The following TBL1XR1 variants were observed in gnomAD, a reference collection of about 807,000 sequenced individuals.
The protein encoded by TBL1XR1 is TBL1X/Y related 1.
TBL1XR1 carries 5 observed loss-of-function variants against 66.9 expected under a neutral mutation model. The observed-to-expected ratio is 0.07, with a 90% confidence interval of 0.04 to 0.16. The LOEUF is 0.16. Among genes scored for constraint, TBL1XR1 ranks in the 10% least tolerant of loss-of-function variants. The pLI, the probability that TBL1XR1 is intolerant of heterozygous loss-of-function variation, is 1.00. For missense variants in TBL1XR1, 238 were observed against 623.2 expected (o/e 0.38, Z 6.58); for synonymous variants, 210 against 206.0 (o/e 1.02, Z -0.17).
chr3:177,033,267 T>C, intron 13 of TBL1XR1, 131 bp from the exon 14 acceptor site: 3 of 565,120 alleles, frequency 5.3e-6, no homozygotes, highest in Non-Finnish European at 8.5e-6. Flanking sequence ...CCGACTGGAC[T>C]GTTAGGAAGA....
In TBL1XR1 at chr3:177,045,367, C is replaced by A. The variant is rs142149677; in HGVS notation, c.925+762G>T. ...CCAGTTTAACATCATTTAGTTACTG[C>A]AGTCGGGAAACTCACTGAAAAGCGG... On this transcript the variant is annotated intron_variant, in intron 10 of 15. Coordinates refer to ENST00000457928, the MANE Select transcript of TBL1XR1 (RefSeq NM_024665.7). Among the ~76,000 whole-genome samples, 105 of 152,236 alleles carry A rather than the reference C, an allele frequency of 6.9e-4. No individual in the cohort carries two copies. In the East Asian group the frequency reaches 0.017, roughly 24 times the overall value.
chr3:177,135,731 T>C (rs774050613), intron 1 of TBL1XR1, among the ~76,000 whole-genome samples: 5 of 152,002 alleles, frequency 3.3e-5, no homozygotes, highest in Non-Finnish European at 7.4e-5. Flanking sequence ...AAGATATTAT[T>C]TCCAGCTTAC....
chr3:177,123,239 C>A (rs1577234293), intron 1 of TBL1XR1, among the ~76,000 whole-genome samples: 1 of 152,070 alleles, frequency 6.6e-6, no homozygotes, highest in African/African-American at 2.4e-5. Context: ...ATACTAAAAA[C>A]AGTATTTACC....
chr3:177,189,421 G>A (rs1473940653), intron 1 of TBL1XR1, among the ~76,000 whole-genome samples: 4 of 151,858 alleles, frequency 2.6e-5, no homozygotes, highest in Non-Finnish European at 5.9e-5. Context: ...GGGAGGCCAA[G>A]GTGGGTGGAT....
intron 1 of TBL1XR1, among the ~76,000 whole-genome samples, chr3:177,174,616 G>A (rs1037929323): frequency 1.3e-5 from 2 of 152,030 alleles, no homozygotes; most frequent in African/African-American, 4.8e-5. Context: ...AGGAGACCCG[G>A]ATGCTTAGCT....
intron 7 of TBL1XR1, among the ~76,000 whole-genome samples, 198 bp downstream of exon 7, chr3:177,049,799 G>A (rs1229611334): frequency 1.3e-5 from 2 of 152,182 alleles, no homozygotes; most frequent in African/African-American, 4.8e-5. Flanking sequence ...AGAGCTGGAT[G>A]TTGAACCTTG....
chr3:177,177,348 G>A (rs1191224940), intron 1 of TBL1XR1, among the ~76,000 whole-genome samples: 1 of 151,308 alleles, frequency 6.6e-6, no homozygotes, highest in African/African-American at 2.5e-5. Context: ...TACTCAGGAG[G>A]CTGAAGAAGG....
chr3:177,153,801 C>T lies in TBL1XR1; in HGVS notation c.-122+43320G>A, dbSNP rs536794318. The stretch of plus-strand genomic sequence containing the variant: ...TTGAGGCAGGAGAATCACTTGAACC[C>T]GGGAGGCGGAGGTTGCAGTGAGCCA... On this transcript the variant is annotated intron_variant, in intron 1 of 15. Transcript: ENST00000457928. Among the ~76,000 whole-genome samples the T allele has an allele frequency of 3.4e-5, 5 of 148,748 alleles. No individual in the cohort carries two copies. In the East Asian group the frequency reaches 1.0e-3, roughly 30 times the overall value.
At chr3:177,185,375 G>A (rs536452033) in intron 1 of TBL1XR1, among the ~76,000 whole-genome samples, 24 of 152,262 alleles carry the variant, frequency 1.6e-4, no homozygotes, top group South Asian at 2.1e-4. Context: ...TTGGGAGGCC[G>A]AGGAGGATGG....
In TBL1XR1 at chr3:177,026,589, C is replaced by T. The variant is rs1713158495; in HGVS notation, c.1417-115G>A. 4 of 688,804 alleles carry T rather than the reference C, an allele frequency of 5.8e-6. No individual in the cohort carries two copies. The South Asian group carries it at 1.0e-4, about 18-fold the overall frequency. 42.7% of individuals were successfully genotyped at this position (688,804 alleles called of 1,614,324 possible). A position where few individuals can be genotyped will look rare whatever the true frequency, so the allele number is the denominator to read the frequency against. ...TCTAGCAATCAGAGGAGGGACTTAGCTTCAACTATAAAAATAAGTTCTGAA... is the reference window on the plus strand; with the variant it reads ...TCTAGCAATCAGAGGAGGGACTTAGTTTCAACTATAAAAATAAGTTCTGAA... On this transcript the variant is annotated intron_variant, in intron 14 of 15. Transcript: ENST00000457928.
intron 10 of TBL1XR1, chr3:177,045,021 G>C (rs951482611): frequency 1.2e-4 from 18 of 152,092 alleles, no homozygotes; most frequent in Non-Finnish European, 2.5e-4. Context: ...TTATTAAGTG[G>C]TGAGCTTTAA....
At chr3:177,118,027 T>C (rs1156458950) in intron 1 of TBL1XR1, among the ~76,000 whole-genome samples, 1 of 152,190 alleles carries the variant, frequency 6.6e-6, no homozygotes, top group Non-Finnish European at 1.5e-5. Context: ...CATTTATAAA[T>C]CTTTTATAGG....
chr3:177,156,310 C>G (rs1459136252), intron 1 of TBL1XR1, among the ~76,000 whole-genome samples: 1 of 151,420 alleles, frequency 6.6e-6, no homozygotes, highest in Non-Finnish European at 1.5e-5. Flanking sequence ...CCAGCCTGGC[C>G]AACATGGCAA....
At chr3:177,184,746 A>G (rs557228596) in intron 1 of TBL1XR1, among the ~76,000 whole-genome samples, 2 of 152,162 alleles carry the variant, frequency 1.3e-5, no homozygotes, top group East Asian at 3.9e-4. Flanking sequence ...GGCTGCAGTA[A>G]GCCGATCGCA....
chr3:177,053,060 C>G (rs1297084168), intron 4 of TBL1XR1, among the ~76,000 whole-genome samples: 1 of 152,156 alleles, frequency 6.6e-6, no homozygotes, highest in East Asian at 1.9e-4. Flanking sequence ...TGAGATTGTG[C>G]CACCACACTC....
intron 3 of TBL1XR1, among the ~76,000 whole-genome samples, chr3:177,054,577 T>C (rs916176088): frequency 2.6e-5 from 4 of 152,190 alleles, no homozygotes; most frequent in Non-Finnish European, 4.4e-5. Flanking sequence ...TTTCTACATA[T>C]AAATTGTCAA....
chr3:177,035,692 G>A (rs1714681815), intron 12 of TBL1XR1, among the ~76,000 whole-genome samples: 1 of 152,122 alleles, frequency 6.6e-6, no homozygotes. Context: ...TTAATTATAG[G>A]CATGAGCTGT....
At chr3:177,080,284 T>C (rs1721235183) in intron 2 of TBL1XR1, among the ~76,000 whole-genome samples, 1 of 152,160 alleles carries the variant, frequency 6.6e-6, no homozygotes, top group Non-Finnish European at 1.5e-5. Context: ...GAATTAGTAA[T>C]GAGTAACCCA....
rs759930730 is a variant in TBL1XR1, at chr3:177,051,604, T to A, written c.327A>T (p.Ala109=). 17 of 1,613,426 alleles carry A rather than the reference T, an allele frequency of 1.1e-5. No individual in the cohort carries two copies. Among genetic ancestry groups the A allele is most frequent in the Non-Finnish European group, 1.4e-5 (17 of 1,179,618 alleles). ...YRDKLAQQQA[A]AAAAAAAAAS... The stretch of plus-strand genomic sequence containing the variant: ...CTGCAGCTGCGGCAGCTGCAGCAGC[T>A]GCTGCCTGTTGCTGTGCAAGCTTAT... The change falls in exon 5 of 16, where the codon GCA becomes GCT. Residue 109 remains alanine, a synonymous_variant. Coordinates refer to ENST00000457928, the MANE Select transcript of TBL1XR1 (RefSeq NM_024665.7).
Sources: allele counts gnomAD v4.1 joint callset (sites outside exome capture counted in the v4.1 genomes callset), GRCh38; gene constraint gnomAD v4.1.1; transcripts MANE v1.5; gene names NCBI Gene and HGNC (gene_info 2026-07-23, HGNC 2026-07-21).